DNAJC12: variants seen among roughly 807,000 people sequenced by gnomAD.
DNAJC12 encodes the protein DnaJ heat shock protein family (Hsp40) member C12, also known as dnaJ homolog subfamily C member 12.
DNAJC12 carries 25 observed loss-of-function variants against 28.5 expected under a neutral mutation model. The observed-to-expected ratio is 0.88, with a 90% confidence interval of 0.64 to 1.22. The LOEUF is 1.22. DNAJC12 is among the 50% of genes most tolerant of loss of function. The pLI, the probability that DNAJC12 is intolerant of heterozygous loss-of-function variation, is 0.00. For missense variants in DNAJC12, 222 were observed against 231.7 expected, an observed-to-expected ratio of 0.96 and a Z score of 0.27; for synonymous variants, 77 against 80.6, an observed-to-expected ratio of 0.95 and a Z score of 0.24.
intron 1 of DNAJC12, among the ~76,000 whole-genome samples, chr10:67,833,445 CT>C (rs1312089943): frequency 1.2e-4 from 14 of 119,618 alleles, no homozygotes; most frequent in African/African-American, 3.7e-4. Context: ...CTCCCTCTCT[CT>C]CTCTCTCTCT....
At chr10:67,799,755 C>G (rs1200463281) in intron 4 of DNAJC12, among the ~76,000 whole-genome samples, 1 of 151,846 alleles carries the variant, frequency 6.6e-6, no homozygotes, top group Admixed American at 6.6e-5. Context: ...TGGTAGCACA[C>G]GCCTGTAATC....
intron 1 of DNAJC12, among the ~76,000 whole-genome samples, chr10:67,823,660 C>T (rs1202563221): frequency 2.0e-5 from 3 of 151,678 alleles, no homozygotes; most frequent in Non-Finnish European, 4.4e-5. Flanking sequence ...ATGATGGCAC[C>T]GCTGCACTCC....
rs138560478 is a variant in DNAJC12, at chr10:67,815,476, C to T, written c.158-3813G>A. ...TGAGCCGTGATCACACCATTGCGCT[C>T]CAGCCTGGGCAACAAGAACAATACT... On this transcript the variant is annotated intron_variant, in intron 2 of 4. Coordinates refer to ENST00000225171, the MANE Select transcript of DNAJC12 (RefSeq NM_021800.3). Among the ~76,000 whole-genome samples the T allele has an allele frequency of 5.4e-3, 767 of 142,270 alleles. 28 individuals are homozygous for T. The highest frequency in any genetic ancestry group is 0.052 in the Admixed American group (720 of 13,908). 93.3% of individuals were successfully genotyped at this position (142,270 alleles called of 152,430 possible).
chr10:67,816,912 C>T (rs1008512487), intron 2 of DNAJC12, among the ~76,000 whole-genome samples: 1 of 152,070 alleles, frequency 6.6e-6, no homozygotes, highest in African/African-American at 2.4e-5. Context: ...GTTACTGTCA[C>T]CCACACAGAG....
chr10:67,797,997 G>A (rs975725036), intron 4 of DNAJC12, among the ~76,000 whole-genome samples: 3 of 147,966 alleles, frequency 2.0e-5, no homozygotes, highest in Non-Finnish European at 4.4e-5. Flanking sequence ...CCGAGATAGC[G>A]CCACTGCACT....
chr10:67,826,135 T>TATATA (rs1842026958), intron 1 of DNAJC12, among the ~76,000 whole-genome samples: 1 of 71,816 alleles, frequency 1.4e-5, no homozygotes, highest in Non-Finnish European at 3.8e-5. Flanking sequence ...ACATATCTTT[T>TATATA]TTTTTCTTTT....
At chr10:67,810,676 C>T (rs1449535549) in intron 3 of DNAJC12, among the ~76,000 whole-genome samples, 4 of 152,006 alleles carry the variant, frequency 2.6e-5, no homozygotes, top group Non-Finnish European at 5.9e-5. Flanking sequence ...TTTGGGAGGC[C>T]GAGGTCTTTT....
chr10:67,820,459 G>A (rs545562721), intron 2 of DNAJC12, among the ~76,000 whole-genome samples: 143 of 152,326 alleles, frequency 9.4e-4, no homozygotes, highest in Non-Finnish European at 1.7e-3. Flanking sequence ...AGAGGGTGCT[G>A]ACTTTGAACA....
At chr10:67,820,997 G>A (rs1478113672) in intron 2 of DNAJC12, among the ~76,000 whole-genome samples, 1 of 151,100 alleles carries the variant, frequency 6.6e-6, no homozygotes, top group Non-Finnish European at 1.5e-5. Flanking sequence ...TGGTCAGGCT[G>A]GTCTCGAACT....
At position 67,833,843 on chromosome 10, in the gene DNAJC12, G is replaced by A. The variant is rs143798891; in HGVS notation, c.78+4091C>T. The A allele has an allele frequency of 7.1e-3, 3,500 of 495,804 alleles. 25 individuals carry two copies. The highest frequency in any genetic ancestry group is 1.0e-2 in the Non-Finnish European group (2,397 of 240,368). The allele number at this position is 495,804 out of a possible 1,614,324, so 30.7% of individuals were successfully genotyped here. On this transcript the variant is annotated intron_variant, in intron 1 of 4. Transcript: ENST00000225171. ...GCCATTATGTTTTGCAAGCCATGGA[G>A]CACATGGAGCCTCAAGTAAAGCAAG... is the stretch of plus-strand genomic sequence containing the variant.
At chr10:67,814,891 A>G (rs1236963235) in intron 2 of DNAJC12, among the ~76,000 whole-genome samples, 1 of 152,230 alleles carries the variant, frequency 6.6e-6, no homozygotes, top group African/African-American at 2.4e-5. Flanking sequence ...ACTGTCACAC[A>G]TGACAGGTGG....
chr10:67,797,840 A>T (rs1479285493), intron 4 of DNAJC12, among the ~76,000 whole-genome samples: 1 of 152,140 alleles, frequency 6.6e-6, no homozygotes, highest in East Asian at 1.9e-4. Context: ...GGAGATCAAG[A>T]CCATCCTGGC....
At chr10:67,806,744 G>A (rs1841805051) in intron 3 of DNAJC12, among the ~76,000 whole-genome samples, 1 of 151,188 alleles carries the variant, frequency 6.6e-6, no homozygotes. Context: ...AGAATTGCTT[G>A]AACCCAGGAG....
At chr10:67,828,335 C>T (rs886120405) in intron 1 of DNAJC12, among the ~76,000 whole-genome samples, 1 of 152,016 alleles carries the variant, frequency 6.6e-6, no homozygotes, top group Non-Finnish European at 1.5e-5. Flanking sequence ...GTGTATCTAT[C>T]TCTCTATATG....
intron 1 of DNAJC12, among the ~76,000 whole-genome samples, chr10:67,835,376 G>A (rs1440083664): frequency 6.6e-6 from 1 of 152,032 alleles, no homozygotes; most frequent in African/African-American, 2.4e-5. Context: ...AAATATTTTT[G>A]AAATGAGAAG....
intron 3 of DNAJC12, among the ~76,000 whole-genome samples, chr10:67,808,924 G>A (rs1281905113): frequency 1.3e-5 from 2 of 152,164 alleles, no homozygotes; most frequent in Non-Finnish European, 2.9e-5. Context: ...TGGGCATAGT[G>A]TAGGAAGCTT....
At chr10:67,820,714 A>G (rs1204512798) in intron 2 of DNAJC12, among the ~76,000 whole-genome samples, 2 of 151,478 alleles carry the variant, frequency 1.3e-5, no homozygotes, top group Non-Finnish European at 2.9e-5. Context: ...GGAATCAATG[A>G]TTTCTAGAGA....
intron 2 of DNAJC12, among the ~76,000 whole-genome samples, chr10:67,822,604 A>T (rs1018143724): frequency 6.6e-6 from 1 of 152,142 alleles, no homozygotes; most frequent in Non-Finnish European, 1.5e-5. Context: ...GGATAGGTAT[A>T]AGCATGCTTA....
In DNAJC12 at chr10:67,800,695, C is replaced by T. The variant is rs370225424; in HGVS notation, c.503-3485G>A. 5.9e-5 allele frequency among the ~76,000 whole-genome samples: 9 copies of T among 152,196 alleles called. No individual in the cohort carries two copies. The East Asian group carries it at 7.7e-4, about 13-fold the overall frequency. ...ACGCGGCGGCTCATGCCTGTAATCC[C>T]AGTGCTTTGGTGGGCCGAGGTGGGC... On this transcript the variant is annotated intron_variant, in intron 4 of 4. Transcript: ENST00000225171.
Sources: allele counts gnomAD v4.1 joint callset (sites outside exome capture counted in the v4.1 genomes callset), GRCh38; gene constraint gnomAD v4.1.1; transcripts MANE v1.5; gene names NCBI Gene and HGNC (gene_info 2026-07-23, HGNC 2026-07-21).